Variants in VNN2 observed in about 807,000 individuals in gnomAD.
VNN2 encodes the protein vanin 2, also known as pantetheine hydrolase VNN2.
VNN2 carries 43 observed loss-of-function variants against 43.0 expected under a neutral mutation model. The observed-to-expected ratio is 1.00, with a 90% CI of 0.78 to 1.29. VNN2 has a LOEUF of 1.29. VNN2 is among the 50% of genes most tolerant of loss of function. The pLI is 0.00. For synonymous variants in VNN2, 230 were observed against 224.3 expected, an observed-to-expected ratio of 1.03 and a Z score of -0.23; for missense variants, 652 against 619.7, an observed-to-expected ratio of 1.05 and a Z score of -0.55.
At chr6:132,755,801 T>C (rs765465169) in intron 3 of VNN2, 42 bp downstream of exon 3, 3 of 1,561,910 alleles carry the variant, frequency 1.9e-6, no homozygotes, top group Non-Finnish European at 2.6e-6. Flanking sequence ...CATTGACCAC[T>C]CACAACACGC....
chr6:132,750,412 G>T (rs1428800495), intron 5 of VNN2, among the ~76,000 whole-genome samples: 1 of 151,150 alleles, frequency 6.6e-6, no homozygotes, highest in Admixed American at 6.7e-5. Context: ...GGCCGAGGCA[G>T]TCGGATCAGC....
At chr6:132,746,145 A>T (rs930844346) in intron 6 of VNN2, among the ~76,000 whole-genome samples, 1 of 152,248 alleles carries the variant, frequency 6.6e-6, no homozygotes, top group African/African-American at 2.4e-5. Context: ...CTAGTTAGTT[A>T]CAGAGAACAG....
intron 3 of VNN2, among the ~76,000 whole-genome samples, 175 bp downstream of exon 3, chr6:132,755,668 C>T (rs1247459036): frequency 6.6e-6 from 1 of 152,080 alleles, no homozygotes; most frequent in Admixed American, 6.5e-5. Flanking sequence ...AGCCTCCACG[C>T]CCAGCCAAAA....
In VNN2 at chr6:132,744,266, A is replaced by T; in HGVS notation, c.*34T>A. On this transcript the variant is annotated 3_prime_UTR_variant, in exon 7 of 7. Coordinates refer to ENST00000326499, the MANE Select transcript of VNN2 (RefSeq NM_004665.6). Reference sequence around the variant, plus strand: ...AGCCGATAAACACATTCAGCCAAGCATATGATGCAGAAGCTGAGTGATAAA... The same window carrying T: ...AGCCGATAAACACATTCAGCCAAGCTTATGATGCAGAAGCTGAGTGATAAA... 1 of 1,571,350 alleles carries T rather than the reference A, an allele frequency of 6.4e-7. No homozygotes were observed. The highest frequency in any genetic ancestry group is 8.6e-7 in the Non-Finnish European group (1 of 1,161,772).
chr6:132,745,389 T>C (rs1271479448), intron 6 of VNN2, among the ~76,000 whole-genome samples: 3 of 152,148 alleles, frequency 2.0e-5, no homozygotes, highest in South Asian at 4.1e-4. Flanking sequence ...CTAATTTTTG[T>C]ATTTTTAGTA....
chr6:132,762,814 T>G (rs1780768564), upstream of VNN2, among the ~76,000 whole-genome samples: 1 of 152,224 alleles, frequency 6.6e-6, no homozygotes, highest in Non-Finnish European at 1.5e-5. Flanking sequence ...CATCACTGTT[T>G]TTGACCTAGC....
In VNN2 at chr6:132,750,497, G is replaced by GTGTATGTATATATGTGTATATATATA; in HGVS notation, c.1201-633_1201-632insTATATATATACACATATATACATACA. ...TCTACTAAAAATATTTTGTATATGT[G>GTGTATGTATATATGTGTATATATATA]TATATATATATATATATTTTTCCAG... On this transcript the variant is annotated intron_variant, in intron 5 of 6. Transcript: ENST00000326499. Among the ~76,000 whole-genome samples, 661 of 103,652 alleles carry GTGTATGTATATATGTGTATATATATA rather than the reference G, an allele frequency of 6.4e-3. 41 individuals carry two copies. Among genetic ancestry groups the GTGTATGTATATATGTGTATATATATA allele is most frequent in the Middle Eastern group, 0.016 (3 of 192 alleles). 68.0% of individuals were successfully genotyped at this position (103,652 alleles called of 152,430 possible). A position where few individuals can be genotyped will look rare whatever the true frequency, so the allele number is the denominator to read the frequency against.
intron 6 of VNN2, among the ~76,000 whole-genome samples, chr6:132,746,731 C>A (rs1277731429): frequency 6.6e-6 from 1 of 152,148 alleles, no homozygotes; most frequent in Admixed American, 6.5e-5. Context: ...ATCATTTGTA[C>A]TTTTGAGAGG....
At chr6:132,750,489 G>GTATATGAGTGTATGTA (rs1779989040) in intron 5 of VNN2, among the ~76,000 whole-genome samples, 1 of 96,570 alleles carries the variant, frequency 1.0e-5, no homozygotes, top group Non-Finnish European at 1.9e-5. Flanking sequence ...AAAATATTTT[G>GTATATGAGTGTATGTA]TATATGTGTA....
At chr6:132,759,059 G>C (rs912858221), upstream of VNN2, among the ~76,000 whole-genome samples, 1 of 152,016 alleles carries the variant, frequency 6.6e-6, no homozygotes, top group African/African-American at 2.4e-5. Context: ...TCCAGGATTG[G>C]TGATAAAGAT....
At chr6:132,759,084 T>C (rs748266401), upstream of VNN2, among the ~76,000 whole-genome samples, 1 of 152,076 alleles carries the variant, frequency 6.6e-6, no homozygotes, top group African/African-American at 2.4e-5. Context: ...TGTGTTGTAA[T>C]AAGGAGAAGA....
chr6:132,756,134 A>G, intron 2 of VNN2, 99 bp from the exon 3 acceptor site: 2 of 1,149,546 alleles, frequency 1.7e-6, no homozygotes, highest in Non-Finnish European at 2.4e-6. Context: ...GTGGAACTTA[A>G]GTTAATACAA....
At chr6:132,757,969 C>T (rs1780591377), upstream of VNN2, 1 of 992,372 alleles carries the variant, frequency 1.0e-6, no homozygotes, top group Non-Finnish European at 1.4e-6. Flanking sequence ...CATGTGGCTG[C>T]CAGTTACTGG....
chr6:132,743,967 T>C lies in VNN2; in HGVS notation c.*333A>G, dbSNP rs1779569520. On this transcript the variant is annotated 3_prime_UTR_variant, in exon 7 of 7. Transcript: ENST00000326499. ...TTCAAGGGCACAGCTATGTTTGCAATGGCCCTGAAACTCCTCACTCCCATA... is the reference window on the plus strand; with the variant it reads ...TTCAAGGGCACAGCTATGTTTGCAACGGCCCTGAAACTCCTCACTCCCATA... 1 of 173,232 alleles carries C rather than the reference T, an allele frequency of 5.8e-6. No individual in the cohort carries two copies. Among genetic ancestry groups the C allele is most frequent in the African/African-American group, 2.4e-5 (1 of 42,134 alleles). The allele number at this position is 173,232 out of a possible 1,614,324, so 10.7% of individuals were successfully genotyped here.
At chr6:132,749,089 T>C (rs1481188135) in intron 6 of VNN2, among the ~76,000 whole-genome samples, 1 of 152,222 alleles carries the variant, frequency 6.6e-6, no homozygotes, top group Non-Finnish European at 1.5e-5. Flanking sequence ...GTATCATCAT[T>C]TTATAATTAG....
At chr6:132,758,048 T>TA (rs1562254290), upstream of VNN2, 2,113 of 393,174 alleles carry the variant, frequency 5.4e-3, 72 homozygotes, top group African/African-American at 0.03. Context: ...TCTTTTTTTT[T>TA]TTTTTTTTTT....
At position 132,755,975 on chromosome 6, in the gene VNN2, A is replaced by T. The variant is rs201892035; in HGVS notation, c.405T>A (p.Tyr135Ter). The T allele has an allele frequency of 4.3e-6, 7 of 1,614,054 alleles. No homozygotes were observed. The highest frequency in any genetic ancestry group is 5.9e-6 in the Non-Finnish European group (7 of 1,180,024). ...LSCLAKDNSI[Y>*]VLANLGDKKP... ...TTTTGTCCCCCAAATTTGCCAAGAC[A>T]TAGATAGAGTTGTCCTTGGCCAGGC... The change falls in exon 3 of 7, where the codon TAT (tyrosine) becomes TAA (stop). Residue 135 changes from tyrosine (Y) to a stop codon, truncating the protein, a stop_gained. Coordinates refer to ENST00000326499, the MANE Select transcript of VNN2 (RefSeq NM_004665.6). LOFTEE classifies it high-confidence loss of function.
Position 132,753,769 on chromosome 6 carries a change from T to A in VNN2, c.538-1020A>T, listed in dbSNP as rs556415215. ...GAGCTCAAGACCAGCCTGGCCAACA[T>A]GGAGAAACCCCATCTCTACTAAAAA... is the stretch of plus-strand genomic sequence containing the variant. On this transcript the variant is annotated intron_variant, in intron 3 of 6. Coordinates refer to ENST00000326499, the MANE Select transcript of VNN2 (RefSeq NM_004665.6). 60 of 190,036 alleles carry A rather than the reference T, an allele frequency of 3.2e-4. No homozygotes were observed. In the East Asian group the frequency reaches 8.3e-3, roughly 26 times the overall value. The allele number at this position is 190,036 out of a possible 1,614,324, so 11.8% of individuals were successfully genotyped here. A position where few individuals can be genotyped will look rare whatever the true frequency, so the allele number is the denominator to read the frequency against.
At chr6:132,758,018 CTTCTTCTTCTTCTTCTTCTTCTTTT>C (rs1780600142), upstream of VNN2, 66 of 159,828 alleles carry the variant, frequency 4.1e-4, 2 homozygotes, top group East Asian at 5.8e-4. Context: ...TCTTCTTCTT[CTTCTTCTTCTTCTTCTTCTTCTTTT>C]TTTTTTTTTT....
Sources: allele counts gnomAD v4.1 joint callset (sites outside exome capture counted in the v4.1 genomes callset), GRCh38; gene constraint gnomAD v4.1.1; transcripts MANE v1.5; gene names NCBI Gene and HGNC (gene_info 2026-07-23, HGNC 2026-07-21).